The following KDELR1 variants were observed in gnomAD, a reference collection of about 807,000 sequenced individuals.
The protein encoded by KDELR1 is ER lumen protein-retaining receptor 1.
Under a neutral mutation model 25.5 loss-of-function variants are expected in KDELR1, and 16 were observed. The ratio of observed to expected loss-of-function variants is 0.63; its 90% CI spans 0.43 to 0.95. The LOEUF (loss-of-function observed/expected upper bound fraction) is 0.95, where lower values mean the gene tolerates loss of function less well. Ranked by LOEUF, KDELR1 falls within the 40% of genes least tolerant of loss-of-function variation. The probability of loss-of-function intolerance (pLI) is 0.00; values close to 1 mark genes in which losing one functional copy is unlikely to be tolerated. For missense variants in KDELR1, 159 were observed against 265.2 expected, an observed-to-expected ratio of 0.60 and a Z score of 2.78; for synonymous variants, 121 against 115.0, an observed-to-expected ratio of 1.05 and a Z score of -0.33.
chr19:48,384,666 C>T lies in KDELR1; in HGVS notation c.352-184G>A, dbSNP rs967572487. Among the ~76,000 whole-genome samples, 6 of 152,072 alleles carry T rather than the reference C, an allele frequency of 3.9e-5. No individual in the cohort carries two copies. Among genetic ancestry groups the T allele is most frequent in the Non-Finnish European group, 7.4e-5 (5 of 68,020 alleles). On this transcript the variant is annotated intron_variant, in intron 3 of 4. Coordinates refer to ENST00000330720, the MANE Select transcript of KDELR1 (RefSeq NM_006801.3). This position sits in a 1 kb window ranked among gnomAD's most constrained non-coding sequence, Gnocchi z 4.6. ...CTCTGATTTAATCATCACCATGGCC[C>T]GGCGAGGAGATCCTATGATTAGCAC... is the stretch of plus-strand genomic sequence containing the variant.
upstream of KDELR1, among the ~76,000 whole-genome samples, chr19:48,395,867 G>C (rs1020680477): frequency 5.3e-5 from 8 of 151,988 alleles, no homozygotes; most frequent in South Asian, 2.1e-4. Flanking sequence ...CTGGACTCTT[G>C]GTTCCTGCAG....
At chr19:48,391,139 G>C (rs1255530187) in intron 1 of KDELR1, 129 bp downstream of exon 1, 9 of 787,622 alleles carry the variant, frequency 1.1e-5, no homozygotes, top group South Asian at 3.0e-5. Context: ...ACCTAGAAGA[G>C]AGATCCCCAG....
At chr19:48,397,092 C>G in the KDELR1 span, among the ~76,000 whole-genome samples, 1 of 151,740 alleles carries the variant, frequency 6.6e-6, no homozygotes. Flanking sequence ...CAGGGACCCC[C>G]ACACCCACCC....
chr19:48,396,559 G>A, the KDELR1 span, among the ~76,000 whole-genome samples: 1 of 152,002 alleles, frequency 6.6e-6, no homozygotes, highest in Non-Finnish European at 1.5e-5. Flanking sequence ...GGCGGAGTGG[G>A]GGGGTTATTC....
intron 1 of KDELR1, 27 bp from the exon 2 acceptor site, chr19:48,390,551 G>A: frequency 1.6e-6 from 2 of 1,280,652 alleles, no homozygotes; most frequent in Admixed American, 1.9e-5. Flanking sequence ...GAGAAAGAGA[G>A]AGAGAGAGAG....
intron 1 of KDELR1, 21 bp from the exon 2 acceptor site, chr19:48,390,545 A>AAGAGAGAGAGAGAGAGAC (rs368964001): frequency 1.6e-6 from 2 of 1,218,966 alleles, no homozygotes; most frequent in Admixed American, 2.1e-5. Context: ...GAGACAGAGA[A>AAGAGAGAGAGAGAGAGAC]AGAGAGAGAG....
chr19:48,395,131 T>C (rs1415150488), upstream of KDELR1, among the ~76,000 whole-genome samples: 1 of 151,598 alleles, frequency 6.6e-6, no homozygotes, highest in Non-Finnish European at 1.5e-5. Flanking sequence ...AGCCCCTTTT[T>C]CCTGAGTCCC....
At chr19:48,393,273 C>G (rs777442064), upstream of KDELR1, among the ~76,000 whole-genome samples, 1 of 152,060 alleles carries the variant, frequency 6.6e-6, no homozygotes, top group Non-Finnish European at 1.5e-5. This position sits in a 1 kb window ranked among gnomAD's most constrained non-coding sequence, Gnocchi z 5.6. Context: ...GGGTCGAGAC[C>G]TGGTTTTCAG....
chr19:48,383,617 C>A (rs1407116525), intron 4 of KDELR1, among the ~76,000 whole-genome samples: 2 of 152,152 alleles, frequency 1.3e-5, no homozygotes, highest in Non-Finnish European at 2.9e-5. Context: ...GCAATTCTCC[C>A]ACCTCAGCCT....
At chr19:48,390,246 G>A in intron 2 of KDELR1, 178 bp downstream of exon 2, 1 of 516,742 alleles carries the variant, frequency 1.9e-6, no homozygotes, top group South Asian at 2.5e-5. Context: ...TCAGACCCAG[G>A]AGTCCAGGCC....
upstream of KDELR1, among the ~76,000 whole-genome samples, chr19:48,393,550 C>A (rs1158146813): frequency 6.6e-6 from 1 of 152,108 alleles, no homozygotes; most frequent in Non-Finnish European, 1.5e-5. The surrounding 1 kb of genome is among the most constrained non-coding windows in gnomAD (Gnocchi z 5.6). Context: ...AGGCTGGTAG[C>A]TAGGGGTGGG....
Position 48,383,134 on chromosome 19 carries a change from G to A in KDELR1, c.*159C>T. ...CAAGTCCTGAGCTCCCCAAGACCTG[G>A]ATCCTCCACTGTCCCCCTGAAACCC... On this transcript the variant is annotated 3_prime_UTR_variant, in exon 5 of 5. Transcript: ENST00000330720. 1.4e-6 allele frequency: 1 copy of A among 724,488 alleles called. No individual in the cohort carries two copies. The allele number at this position is 724,488 out of a possible 1,614,324, so 44.9% of individuals were successfully genotyped here.
At chr19:48,396,049 C>T (rs937919286), upstream of KDELR1, among the ~76,000 whole-genome samples, 13 of 152,056 alleles carry the variant, frequency 8.5e-5, no homozygotes, top group African/African-American at 2.9e-4. Flanking sequence ...ATAGCGCTTC[C>T]GTCTGAGGAA....
rs372561304 is a variant in KDELR1 at position 48,390,551 on chromosome 19, G to C, written c.92-27C>G. The C allele has an allele frequency of 4.7e-6, 6 of 1,280,666 alleles. No homozygotes were observed. The highest frequency in any genetic ancestry group is 1.9e-4 in the Middle Eastern group (1 of 5,218). The allele number at this position is 1,280,666 out of a possible 1,614,324, so 79.3% of individuals were successfully genotyped here. The stretch of plus-strand genomic sequence containing the variant: ...TGTGGTCCAGAGACAGAGAAAGAGA[G>C]AGAGAGAGAGACAGAGAGAGAGAGA... On this transcript the variant is annotated intron_variant, in intron 1 of 4. Coordinates refer to ENST00000330720, the MANE Select transcript of KDELR1 (RefSeq NM_006801.3).
At chr19:48,390,698 C>T in intron 1 of KDELR1, 174 bp from the exon 2 acceptor site, 1 of 568,466 alleles carries the variant, frequency 1.8e-6, no homozygotes, top group Non-Finnish European at 3.1e-6. Context: ...TGCAGCTGTC[C>T]CCGGAGGCCT....
At chr19:48,391,053 G>A (rs1180878641) in intron 1 of KDELR1, among the ~76,000 whole-genome samples, 1 of 152,162 alleles carries the variant, frequency 6.6e-6, no homozygotes, top group Non-Finnish European at 1.5e-5. Flanking sequence ...TGAATTGGGG[G>A]CCTAAAGCCA....
intron 3 of KDELR1, among the ~76,000 whole-genome samples, chr19:48,386,978 C>T (rs144767492): frequency 4.7e-5 from 7 of 147,512 alleles, no homozygotes; most frequent in Admixed American, 6.8e-5. Context: ...CGCTGAGGCA[C>T]GAGAATTGCT....
chr19:48,391,701 G>T, upstream of KDELR1: 1 of 375,202 alleles, frequency 2.7e-6, no homozygotes, highest in Non-Finnish European at 5.0e-6. Flanking sequence ...AGGAACTTGG[G>T]AGGGTCGCAG....
At chr19:48,389,247 G>A (rs1192897912) in intron 3 of KDELR1, among the ~76,000 whole-genome samples, 1 of 152,180 alleles carries the variant, frequency 6.6e-6, no homozygotes, top group African/African-American at 2.4e-5. Flanking sequence ...TCCAGTCTGG[G>A]CAACAGAGCG....
Sources: allele counts gnomAD v4.1 joint callset (sites outside exome capture counted in the v4.1 genomes callset), GRCh38; gene constraint gnomAD v4.1.1; non-coding constraint Gnocchi (gnomAD v3.1); transcripts MANE v1.5; gene names NCBI Gene and HGNC (gene_info 2026-07-23, HGNC 2026-07-21).